The following GPHN variants were observed in gnomAD, a reference collection of about 807,000 sequenced individuals.
GPHN encodes gephyrin.
Under a neutral mutation model 95.5 loss-of-function variants are expected in GPHN, and 17 were observed. The ratio of observed to expected loss-of-function variants is 0.18; its 90% confidence interval spans 0.12 to 0.27. The LOEUF (loss-of-function observed/expected upper bound fraction) is 0.27, where lower values mean the gene tolerates loss of function less well. Ranked by LOEUF, GPHN falls within the 10% of genes least tolerant of loss-of-function variation. The pLI is 1.00. For missense variants in GPHN, 660 were observed against 978.1 expected, an observed-to-expected ratio of 0.67 and a Z score of 4.34; for synonymous variants, 320 against 322.5, an observed-to-expected ratio of 0.99 and a Z score of 0.08.
chr14:66,780,499 G>T (rs1216951423), intron 3 of GPHN, among the ~76,000 whole-genome samples: 1 of 150,740 alleles, frequency 6.6e-6, no homozygotes. Flanking sequence ...TTTAAATAGT[G>T]ATTTTTTTCC....
the GPHN span, among the ~76,000 whole-genome samples, chr14:67,610,445 C>T: frequency 1.3e-5 from 2 of 152,110 alleles, no homozygotes; most frequent in Non-Finnish European, 2.9e-5. Flanking sequence ...GGGGCTTGAA[C>T]TTTGCTGAAG....
At chr14:66,541,235 G>A (rs542645010) in intron 1 of GPHN, among the ~76,000 whole-genome samples, 4 of 152,132 alleles carry the variant, frequency 2.6e-5, no homozygotes, top group South Asian at 2.1e-4. Context: ...GGTGTGAGCC[G>A]CTGCACCCAG....
intron 5 of GPHN, among the ~76,000 whole-genome samples, chr14:66,880,879 A>G (rs1188432512): frequency 6.6e-6 from 1 of 151,994 alleles, no homozygotes; most frequent in Non-Finnish European, 1.5e-5. Flanking sequence ...ACTTAAGTTA[A>G]AGATAGAAGT....
At chr14:66,990,169 C>A (rs1372842132) in intron 9 of GPHN, among the ~76,000 whole-genome samples, 1 of 152,016 alleles carries the variant, frequency 6.6e-6, no homozygotes, top group African/African-American at 2.4e-5. Context: ...CTTTTAAAAC[C>A]ATCAGATCTA....
the GPHN span, among the ~76,000 whole-genome samples, chr14:67,460,573 G>T: frequency 1.2e-4 from 18 of 152,162 alleles, 1 homozygote; most frequent in Admixed American, 9.2e-4. Flanking sequence ...GCATGATGGC[G>T]CACACCTGTA....
At chr14:67,118,553 C>A (rs1042068995) in intron 16 of GPHN, among the ~76,000 whole-genome samples, 3 of 151,966 alleles carry the variant, frequency 2.0e-5, no homozygotes, top group Non-Finnish European at 4.4e-5. Flanking sequence ...CGGTGAAACC[C>A]CTACTCTACT....
chr14:66,546,483 C>T (rs76195820), intron 1 of GPHN, among the ~76,000 whole-genome samples: 10 of 152,146 alleles, frequency 6.6e-5, no homozygotes, highest in Non-Finnish European at 2.9e-5. Flanking sequence ...TGGGCAACAT[C>T]GAGCACTGAG....
At chr14:67,291,180 G>A in the GPHN span, among the ~76,000 whole-genome samples, 25 of 149,990 alleles carry the variant, frequency 1.7e-4, no homozygotes, top group African/African-American at 4.2e-4. Context: ...GTATATGTGC[G>A]TGTGCATGTA....
intron 2 of GPHN, among the ~76,000 whole-genome samples, chr14:66,694,472 T>C (rs770802900): frequency 6.6e-6 from 1 of 152,200 alleles, no homozygotes; most frequent in Non-Finnish European, 1.5e-5. Flanking sequence ...GGAGCAAAGA[T>C]AGTTTTTTTA....
the GPHN span, chr14:67,381,559 T>A: frequency 6.4e-7 from 1 of 1,573,842 alleles, no homozygotes; most frequent in Non-Finnish European, 8.7e-7. Flanking sequence ...ATTTTTTGCA[T>A]TTTTTATCAA....
chr14:67,472,577 A>G, the GPHN span: 951 of 151,468 alleles, frequency 6.3e-3, 5 homozygotes, highest in Admixed American at 0.01. Context: ...CAGCCGGAAC[A>G]GTGGAGGGAA....
chr14:66,677,460 T>A (rs1221661472), intron 1 of GPHN, among the ~76,000 whole-genome samples: 1 of 152,142 alleles, frequency 6.6e-6, no homozygotes, highest in Non-Finnish European at 1.5e-5. Context: ...TGTTTCTATA[T>A]TAATTTGTTT....
chr14:66,848,427 A>G (rs754809471), intron 4 of GPHN, among the ~76,000 whole-genome samples: 5 of 152,130 alleles, frequency 3.3e-5, no homozygotes, highest in Non-Finnish European at 5.9e-5. Flanking sequence ...GGGATAAAAT[A>G]TGAAGTCTGT....
At chr14:66,626,320 A>T (rs2063526802) in intron 1 of GPHN, among the ~76,000 whole-genome samples, 2 of 152,248 alleles carry the variant, frequency 1.3e-5, no homozygotes, top group Admixed American at 1.3e-4. Flanking sequence ...ATTAAATATG[A>T]TGTTTCTCCA....
chr14:67,264,851 C>T, the GPHN span, among the ~76,000 whole-genome samples: 2 of 152,016 alleles, frequency 1.3e-5, no homozygotes, highest in African/African-American at 4.8e-5. Context: ...GCTGTTAAGT[C>T]TCAAGTTTAC....
At chr14:67,471,704 C>T in the GPHN span, 1 of 152,364 alleles carries the variant, frequency 6.6e-6, no homozygotes, top group Non-Finnish European at 1.5e-5. Flanking sequence ...AAGGCAGAGT[C>T]TGCAAGCTTT....
the GPHN span, among the ~76,000 whole-genome samples, chr14:67,396,553 T>C: frequency 1.0e-5 from 1 of 98,298 alleles, no homozygotes; most frequent in Non-Finnish European, 1.7e-5. Flanking sequence ...TTGGTGAACA[T>C]TCCCCTTTGA....
the GPHN span, among the ~76,000 whole-genome samples, chr14:67,722,009 G>A: frequency 3.9e-5 from 6 of 152,070 alleles, no homozygotes; most frequent in South Asian, 2.1e-4. Flanking sequence ...GAAAGCATAC[G>A]ACTCAGCAGA....
chr14:67,681,088 G>A, the GPHN span, among the ~76,000 whole-genome samples: 1 of 152,186 alleles, frequency 6.6e-6, no homozygotes, highest in Non-Finnish European at 1.5e-5. Context: ...CTTTAAGGAG[G>A]TAACTAAGGT....
Sources: gnomAD v4.1 joint callset for allele counts (sites outside exome capture counted in the v4.1 genomes callset) on GRCh38, gnomAD v4.1.1 for gene constraint, MANE v1.5 for transcripts, NCBI Gene and HGNC (gene_info 2026-07-23, HGNC 2026-07-21) for gene names.